Variants in TMEM59L observed in about 807,000 individuals in gnomAD.
TMEM59L encodes the protein transmembrane protein 59 like.
A neutral mutation model predicts 39.6 loss-of-function variants in TMEM59L; 31 were observed. The observed-to-expected ratio is 0.78, with a 90% CI of 0.59 to 1.06. TMEM59L has a LOEUF of 1.06. Ranked by LOEUF, TMEM59L falls within the 50% of genes least tolerant of loss-of-function variation. The probability of loss-of-function intolerance (pLI) is 0.00; values close to 1 mark genes in which losing one functional copy is unlikely to be tolerated. For synonymous variants in TMEM59L, 219 were observed against 202.9 expected, an observed-to-expected ratio of 1.08 and a Z score of -0.68; for missense variants, 441 against 451.3, an observed-to-expected ratio of 0.98 and a Z score of 0.21.
chr19:18,620,908 T>C lies in TMEM59L; in HGVS notation c.*372T>C, dbSNP rs1220986758. ...GGGGGAGCTGCGTCTTGCTAGGGCT[T>C]CCCCCTTCTCCCCATCCCGGTCTCC... On this transcript the variant is annotated 3_prime_UTR_variant, in exon 8 of 8. Transcript: ENST00000262817. 3 of 166,052 alleles carry C rather than the reference T, an allele frequency of 1.8e-5. No individual in the cohort carries two copies. The East Asian group carries it at 5.2e-4, about 29-fold the overall frequency. The allele number at this position is 166,052 out of a possible 1,614,324, so 10.3% of individuals were successfully genotyped here.
chr19:18,613,224 G>A, intron 1 of TMEM59L, 95 bp downstream of exon 1: 1 of 1,180,186 alleles, frequency 8.5e-7, no homozygotes, highest in Non-Finnish European at 1.1e-6. Context: ...GACAGCAGGA[G>A]ACTTTGGTGG....
Position 18,613,013 on chromosome 19 carries a change from TCGCCGCCCGCCGCCTCCG to T in TMEM59L, c.61_78del (p.Pro21_Pro26del). On this transcript the variant is annotated inframe_deletion, in exon 1 of 8. Transcript: ENST00000262817. ...GCTGCTGCTGCTGCTGCTGTTGGCG[TCGCCGCCCGCCGCCTCCG>T]CGCCGTCCGCCCGCGATCCCTTCGC... 1 of 1,384,106 alleles carries T rather than the reference TCGCCGCCCGCCGCCTCCG, an allele frequency of 7.2e-7. No homozygotes were observed. Among genetic ancestry groups the T allele is most frequent in the Non-Finnish European group, 9.3e-7 (1 of 1,070,824 alleles). 85.7% of individuals were successfully genotyped at this position (1,384,106 alleles called of 1,614,324 possible).
Position 18,620,642 on chromosome 19 carries a change from A to C in TMEM59L, c.*106A>C, listed in dbSNP as rs1600668733. 8.6e-6 allele frequency: 12 copies of C among 1,395,214 alleles called. No individual in the cohort carries two copies. Among genetic ancestry groups the C allele is most frequent in the Admixed American group, 2.7e-5 (1 of 37,490 alleles). 86.4% of individuals were successfully genotyped at this position (1,395,214 alleles called of 1,614,324 possible). A position where few individuals can be genotyped will look rare whatever the true frequency, so the allele number is the denominator to read the frequency against. On this transcript the variant is annotated 3_prime_UTR_variant, in exon 8 of 8. Transcript: ENST00000262817. ...GGTGGGTCCAGCCTTGAGCCCCTCC[A>C]CCCCCAAATCCTTCCTCTCCTCCCA...
rs1335246295 is a variant in TMEM59L, at chr19:18,613,004, CTGT to C, written c.49_51del (p.Leu17del). The C allele has an allele frequency of 7.2e-7, 1 of 1,380,046 alleles. No homozygotes were observed. Among genetic ancestry groups the C allele is most frequent in the Non-Finnish European group, 9.3e-7 (1 of 1,069,672 alleles). The allele number at this position is 1,380,046 out of a possible 1,614,324, so 85.5% of individuals were successfully genotyped here. On this transcript the variant is annotated inframe_deletion, in exon 1 of 8. Transcript: ENST00000262817. ...GCCACCGCCGCTGCTGCTGCTGCTGCTGTTGGCGTCGCCGCCCGCCGCCTCCGC... is the reference window on the plus strand; with the variant it reads ...GCCACCGCCGCTGCTGCTGCTGCTGCTGGCGTCGCCGCCCGCCGCCTCCGC...
At chr19:18,620,368 C>A in intron 7 of TMEM59L, 40 bp from the exon 8 acceptor site, 1 of 1,574,376 alleles carries the variant, frequency 6.4e-7, no homozygotes. Context: ...CTCGGCCTCT[C>A]CCCGTCCCTC....
At chr19:18,617,934 G>C (rs949534896) in intron 5 of TMEM59L, 4 of 594,392 alleles carry the variant, frequency 6.7e-6, no homozygotes, top group Non-Finnish European at 1.2e-5. Context: ...CATCTCCTAG[G>C]ATTCTGCAGT....
At chr19:18,614,768 A>G (rs1225514534) in intron 3 of TMEM59L, among the ~76,000 whole-genome samples, 1 of 152,214 alleles carries the variant, frequency 6.6e-6, no homozygotes, top group Admixed American at 6.5e-5. Flanking sequence ...TGGGAGAAAT[A>G]ATAACGGTTC....
rs771544585 is a variant in TMEM59L at position 18,616,069 on chromosome 19, TCTC to T, written c.508_510del (p.Ser170del). The T allele has an allele frequency of 1.4e-5, 23 of 1,614,026 alleles. No individual in the cohort carries two copies. The South Asian group carries it at 2.0e-4, about 14-fold the overall frequency. ...CTTGTCAACTCAGCCCAGGGATTTG[TCTC>T]CTCCACCTGGACATACTACTTGCAG... is the stretch of plus-strand genomic sequence containing the variant. On this transcript the variant is annotated inframe_deletion, in exon 4 of 8. Transcript: ENST00000262817.
intron 5 of TMEM59L, 45 bp downstream of exon 5, chr19:18,617,147 C>A: frequency 6.8e-7 from 1 of 1,478,184 alleles, no homozygotes; most frequent in Non-Finnish European, 9.5e-7. Context: ...GGTGGCCCCA[C>A]TGCCACAAGG....
intron 5 of TMEM59L, chr19:18,617,641 A>G: frequency 2.2e-6 from 1 of 450,840 alleles, no homozygotes; most frequent in Non-Finnish European, 4.4e-6. Context: ...TCAGGGTTCC[A>G]TGGTTCATCT....
rs763554524 is a variant in TMEM59L at position 18,620,533 on chromosome 19, G to C, written c.1026G>C (p.Leu342=). The change falls in exon 8 of 8, where the codon CTG becomes CTC. Residue 342 remains leucine (L), a synonymous_variant. Transcript: ENST00000262817. ...PYKLKLDLTK[L] is the part of the protein sequence containing the mutation. ...AGCTGAAGCTGGACCTGACCAAGCT[G>C]TAGGCCTCCACTGGCCCCATCACTG... The C allele has an allele frequency of 4.3e-6, 7 of 1,613,438 alleles. No individual in the cohort carries two copies. The East Asian group carries it at 1.6e-4, about 36-fold the overall frequency.
At chr19:18,613,761 A>T (rs1976396087) in intron 1 of TMEM59L, 111 bp from the exon 2 acceptor site, 2 of 798,110 alleles carry the variant, frequency 2.5e-6, no homozygotes, top group Non-Finnish European at 4.0e-6. Flanking sequence ...ATCTGGCTAG[A>T]TGTCGTGGGG....
At chr19:18,615,650 C>T (rs1976419302) in intron 3 of TMEM59L, among the ~76,000 whole-genome samples, 1 of 152,226 alleles carries the variant, frequency 6.6e-6, no homozygotes, top group South Asian at 2.1e-4. Context: ...CTCTTTCACC[C>T]AGGCTAGAGT....
chr19:18,613,019 C>CCCGCCGCCTCCGCGCCGT lies in TMEM59L; in HGVS notation c.67_84dup (p.Ala23_Ala28dup). The CCCGCCGCCTCCGCGCCGT allele has an allele frequency of 7.2e-7, 1 of 1,386,974 alleles. No homozygotes were observed. The highest frequency in any genetic ancestry group is 1.6e-5 in the South Asian group (1 of 63,162). The allele number at this position is 1,386,974 out of a possible 1,614,324, so 85.9% of individuals were successfully genotyped here. On this transcript the variant is annotated inframe_insertion, in exon 1 of 8. Transcript: ENST00000262817. ...GCTGCTGCTGCTGTTGGCGTCGCCG[C>CCCGCCGCCTCCGCGCCGT]CCGCCGCCTCCGCGCCGTCCGCCCG...
rs772046979 is a variant in TMEM59L, at chr19:18,613,931, C to A, written c.231C>A (p.Cys77Ter). 6.2e-7 allele frequency: 1 copy of A among 1,613,148 alleles called. No individual in the cohort carries two copies. The highest frequency in any genetic ancestry group is 1.1e-5 in the South Asian group (1 of 91,080). The change falls in exon 2 of 8, where the codon TGC becomes TGA. Residue 77 changes from cysteine (C) to a stop codon, truncating the protein, a stop_gained. Coordinates refer to ENST00000262817, the MANE Select transcript of TMEM59L (RefSeq NM_012109.3). LOFTEE classifies it high-confidence loss of function. ...ACAGAGCCGTTCTGATCAGCGCTTGCGAGCGTGGCTGCCGCCTCTTCTCCA... is the reference window on the plus strand; with the variant it reads ...ACAGAGCCGTTCTGATCAGCGCTTGAGAGCGTGGCTGCCGCCTCTTCTCCA... ...PYDRAVLISA[C>*]ERGCRLFSIC...
At chr19:18,616,433 C>T (rs550140015) in intron 4 of TMEM59L, among the ~76,000 whole-genome samples, 20 of 151,946 alleles carry the variant, frequency 1.3e-4, no homozygotes, top group African/African-American at 4.8e-4. Context: ...ATTCTTGTTG[C>T]CCAAGATGGA....
chr19:18,617,996 C>T, intron 5 of TMEM59L, 159 bp from the exon 6 acceptor site: 1 of 684,434 alleles, frequency 1.5e-6, no homozygotes, highest in Admixed American at 2.3e-5. Context: ...CCCAGGGTTC[C>T]ATGGTCCCTG....
Position 18,613,066 on chromosome 19 carries a change from C to G in TMEM59L, c.108C>G (p.Leu36=). Residue 36 remains leucine, a synonymous_variant, in exon 1 of 8, where the codon CTC becomes CTG. Transcript: ENST00000262817. ...CCCGCGATCCCTTCGCCCCCCAGCT[C>G]GGGGACACGCAGAACTGCCAGCTGC... is the stretch of plus-strand genomic sequence containing the variant. ...PSARDPFAPQ[L]GDTQNCQLRC... is the part of the protein sequence containing the mutation. The G allele has an allele frequency of 7.3e-7, 1 of 1,377,844 alleles. No individual in the cohort carries two copies. The highest frequency in any genetic ancestry group is 1.6e-5 in the South Asian group (1 of 60,742). The allele number at this position is 1,377,844 out of a possible 1,614,324, so 85.4% of individuals were successfully genotyped here. A position where few individuals can be genotyped will look rare whatever the true frequency, so the allele number is the denominator to read the frequency against.
intron 3 of TMEM59L, among the ~76,000 whole-genome samples, chr19:18,614,761 G>A (rs527242465): frequency 6.6e-6 from 1 of 152,344 alleles, no homozygotes; most frequent in East Asian, 1.9e-4. Flanking sequence ...TGCCTTATGG[G>A]AGAAATAATA....
Sources: allele counts gnomAD v4.1 joint callset (sites outside exome capture counted in the v4.1 genomes callset), GRCh38; gene constraint gnomAD v4.1.1; transcripts MANE v1.5; gene names NCBI Gene and HGNC (gene_info 2026-07-23, HGNC 2026-07-21).